SIL1: variants seen among roughly 807,000 people sequenced by gnomAD.
SIL1 encodes SIL1 nucleotide exchange factor, also known as nucleotide exchange factor SIL1.
SIL1 carries 40 observed loss-of-function variants against 49.1 expected under a neutral mutation model. That is an observed-to-expected ratio of 0.81 (90% CI 0.63 to 1.06). The LOEUF is 1.06. Among genes scored for constraint, SIL1 ranks in the 50% least tolerant of loss-of-function variants. The probability of loss-of-function intolerance (pLI) is 0.00; values close to 1 mark genes in which losing one functional copy is unlikely to be tolerated. For missense variants in SIL1, 500 were observed against 572.6 expected (o/e 0.87, Z 1.29); for synonymous variants, 253 against 250.8 (o/e 1.01, Z -0.08).
intron 4 of SIL1, among the ~76,000 whole-genome samples, chr5:139,043,246 G>A (rs980037652): frequency 1.3e-5 from 2 of 152,166 alleles, no homozygotes; most frequent in African/African-American, 4.8e-5. Flanking sequence ...ACGAACAGAG[G>A]GCTCTCAGCC....
intron 3 of SIL1, among the ~76,000 whole-genome samples, chr5:139,063,572 A>G (rs1769641025): frequency 6.6e-6 from 1 of 152,226 alleles, no homozygotes; most frequent in Non-Finnish European, 1.5e-5. Flanking sequence ...CTGAGTCAAA[A>G]ATACATTTTT....
chr5:138,955,848 GA>G (rs1372565203), intron 7 of SIL1, among the ~76,000 whole-genome samples: 2 of 152,252 alleles, frequency 1.3e-5, no homozygotes, highest in Non-Finnish European at 2.9e-5. Flanking sequence ...TATGTGCACG[GA>G]AATCCTGCTC....
At chr5:139,115,946 C>T (rs1182663060) in intron 3 of SIL1, among the ~76,000 whole-genome samples, 1 of 152,206 alleles carries the variant, frequency 6.6e-6, no homozygotes, top group African/African-American at 2.4e-5. Context: ...GGATCTGAGA[C>T]TAATTCCACA....
In SIL1 at chr5:139,026,594, C is replaced by T. The variant is rs10038799; in HGVS notation, c.645+207G>A. On this transcript the variant is annotated intron_variant, in intron 6 of 9. Coordinates refer to ENST00000394817, the MANE Select transcript of SIL1 (RefSeq NM_022464.5). ...CTCCAGGCTGGGTGACCGAGTGAGA[C>T]TCTGACTCAGACAAAAAAAGAAAAA... Among the ~76,000 whole-genome samples, 63,641 of 151,914 alleles carry T rather than the reference C, an allele frequency of 0.42. 14,168 individuals carry two copies. Among genetic ancestry groups the T allele is most frequent in the African/African-American group, 0.58 (24,196 of 41,426 alleles).
At chr5:138,972,587 T>G (rs1307042784) in intron 7 of SIL1, among the ~76,000 whole-genome samples, 1 of 152,138 alleles carries the variant, frequency 6.6e-6, no homozygotes, top group Non-Finnish European at 1.5e-5. Flanking sequence ...CTGCCCTTCT[T>G]CAGCACAGGC....
chr5:139,034,957 C>T (rs767078409), intron 5 of SIL1, among the ~76,000 whole-genome samples: 1 of 152,130 alleles, frequency 6.6e-6, no homozygotes, highest in African/African-American at 2.4e-5. Flanking sequence ...TAACAATAGC[C>T]ATTATAGTTG....
intron 3 of SIL1, among the ~76,000 whole-genome samples, chr5:139,098,640 G>A (rs942262540): frequency 4.6e-5 from 7 of 151,888 alleles, no homozygotes; most frequent in African/African-American, 1.5e-4. Flanking sequence ...GGAAACAATC[G>A]ACAAGGTGAA....
At chr5:139,128,564 A>C (rs1301288976) in intron 1 of SIL1, among the ~76,000 whole-genome samples, 1 of 151,734 alleles carries the variant, frequency 6.6e-6, no homozygotes. Context: ...CAGGAAGACC[A>C]CTTAAGCCCC....
chr5:139,172,430 G>A lies in SIL1; in HGVS notation c.-11+25839C>T, dbSNP rs1392131565. 5.3e-5 allele frequency among the ~76,000 whole-genome samples: 8 copies of A among 152,124 alleles called. No homozygotes were observed. The East Asian group carries it at 9.7e-4, about 18-fold the overall frequency. On this transcript the variant is annotated intron_variant, in intron 1 of 9. Coordinates refer to ENST00000394817, the MANE Select transcript of SIL1 (RefSeq NM_022464.5). The stretch of plus-strand genomic sequence containing the variant: ...AGGCAAATCATGAGGTCAGGAGTTC[G>A]AGACCAGCCTAGCCAACATGGCAAA...
At chr5:139,139,173 C>T (rs1025562027) in intron 1 of SIL1, among the ~76,000 whole-genome samples, 18 of 152,122 alleles carry the variant, frequency 1.2e-4, no homozygotes, top group African/African-American at 4.3e-4. Context: ...ACTAAGGGTC[C>T]CAGGGCTTTT....
intron 5 of SIL1, among the ~76,000 whole-genome samples, chr5:139,041,388 T>C (rs1261861766): frequency 6.6e-6 from 1 of 152,212 alleles, no homozygotes. Flanking sequence ...CCCAGAAATA[T>C]TTAGTTCTAA....
At chr5:139,058,345 A>C (rs1036974104) in intron 3 of SIL1, among the ~76,000 whole-genome samples, 3 of 152,014 alleles carry the variant, frequency 2.0e-5, no homozygotes, top group African/African-American at 4.8e-5. Context: ...AAAAAAAAAA[A>C]CACCAAATTA....
chr5:139,003,514 T>C (rs183106251), intron 7 of SIL1, among the ~76,000 whole-genome samples: 104 of 152,332 alleles, frequency 6.8e-4, no homozygotes, highest in African/African-American at 2.4e-3. Flanking sequence ...TATTTACTCT[T>C]TGCCCTTGGG....
intron 1 of SIL1, among the ~76,000 whole-genome samples, chr5:139,167,851 T>C (rs950291821): frequency 1.3e-5 from 2 of 152,086 alleles, no homozygotes; most frequent in Admixed American, 1.3e-4. Flanking sequence ...TACTTTTTAT[T>C]TTTTCTCTTT....
At chr5:138,988,346 T>A (rs1767686058) in intron 7 of SIL1, among the ~76,000 whole-genome samples, 1 of 152,222 alleles carries the variant, frequency 6.6e-6, no homozygotes, top group Admixed American at 6.5e-5. Context: ...ACTAAAATTT[T>A]GAATTACACA....
intron 3 of SIL1, among the ~76,000 whole-genome samples, chr5:139,115,641 C>T (rs1333286498): frequency 2.0e-5 from 3 of 152,162 alleles, no homozygotes; most frequent in Admixed American, 6.5e-5. Context: ...TGAGGGTTGG[C>T]GGACACACTG....
intron 7 of SIL1, among the ~76,000 whole-genome samples, chr5:138,989,196 G>A (rs1039820693): frequency 6.6e-6 from 1 of 152,122 alleles, no homozygotes; most frequent in Non-Finnish European, 1.5e-5. Flanking sequence ...ACAGTAATCT[G>A]GACACTTACC....
chr5:138,994,066 G>C (rs1386862628), intron 7 of SIL1, among the ~76,000 whole-genome samples: 3 of 152,046 alleles, frequency 2.0e-5, no homozygotes, highest in Admixed American at 6.6e-5. Flanking sequence ...ATCATATTTA[G>C]TGGTAAAATA....
intron 7 of SIL1, chr5:139,012,285 G>T (rs914982913): frequency 6.6e-6 from 1 of 152,256 alleles, no homozygotes; most frequent in African/African-American, 2.4e-5. Flanking sequence ...GAACTCCTGG[G>T]CTCAAGCAAT....
Sources: gnomAD v4.1 joint callset for allele counts (sites outside exome capture counted in the v4.1 genomes callset) on GRCh38, gnomAD v4.1.1 for gene constraint, MANE v1.5 for transcripts, NCBI Gene and HGNC (gene_info 2026-07-23, HGNC 2026-07-21) for gene names.